KAT6A: variants seen among roughly 807,000 people sequenced by gnomAD.
KAT6A encodes the protein lysine acetyltransferase 6A.
A neutral mutation model predicts 198.4 loss-of-function variants in KAT6A; 9 were observed. That is an observed-to-expected ratio of 0.05 (90% CI 0.03 to 0.08). The LOEUF (loss-of-function observed/expected upper bound fraction) is 0.08. Among genes scored for constraint, KAT6A ranks in the 10% least tolerant of loss-of-function variants. The pLI is 1.00. For synonymous variants in KAT6A, 890 were observed against 883.0 expected (o/e 1.01, Z -0.14); for missense variants, 2,077 against 2,509.9 (o/e 0.83, Z 3.69).
intron 2 of KAT6A, among the ~76,000 whole-genome samples, chr8:42,021,518 A>G (rs966671439): frequency 6.6e-6 from 1 of 152,228 alleles, no homozygotes; most frequent in South Asian, 2.1e-4. Flanking sequence ...ACTGAAGCTC[A>G]TGGAGAATTA....
At chr8:41,983,347 G>A (rs185700192) in intron 3 of KAT6A, among the ~76,000 whole-genome samples, 35 of 152,306 alleles carry the variant, frequency 2.3e-4, no homozygotes, top group African/African-American at 8.2e-4. Context: ...CAAGAGGTGT[G>A]AAAATTTCAC....
intron 1 of KAT6A, chr8:42,049,734 T>C (rs1802504313): frequency 6.6e-6 from 1 of 152,224 alleles, no homozygotes; most frequent in South Asian, 2.1e-4. Flanking sequence ...AGTGAATCTT[T>C]CATCTTTCAA....
intron 8 of KAT6A, among the ~76,000 whole-genome samples, chr8:41,968,712 AAT>A (rs1191814161): frequency 6.6e-6 from 1 of 152,204 alleles, no homozygotes; most frequent in Admixed American, 6.5e-5. Context: ...TTTTAAGAAA[AAT>A]AGTTTCTCCA....
In KAT6A at chr8:41,948,602, C is replaced by T. The variant is rs761289716; in HGVS notation, c.1740+620G>A. ...ACATTAGCTCCCAAGACACTGTCTG[C>T]GATACTAACAGAACTCCTCAACAAC... On this transcript the variant is annotated intron_variant, in intron 10 of 16. Coordinates refer to ENST00000265713, the MANE Select transcript of KAT6A (RefSeq NM_006766.5). Among the ~76,000 whole-genome samples, 5 of 152,088 alleles carry T rather than the reference C, an allele frequency of 3.3e-5. 1 individual carries two copies. Among genetic ancestry groups the T allele is most frequent in the Non-Finnish European group, 7.4e-5 (5 of 68,006 alleles).
chr8:41,941,180 C>T lies in KAT6A; in HGVS notation c.2701G>A (p.Glu901Lys). 6.2e-7 allele frequency: 1 copy of T among 1,614,170 alleles called. No homozygotes were observed. Among genetic ancestry groups the T allele is most frequent in the South Asian group, 1.1e-5 (1 of 91,070 alleles). The change falls in exon 15 of 17, where the codon GAA becomes AAA. Residue 901 changes from glutamate (E) to lysine (K), a missense_variant. Glu to Lys is a moderately conservative substitution (Grantham distance 56). Transcript: ENST00000265713. ...TSSAPQEQYG[E>K]CGEKSEATQE... ...GTGGCTTCTGATTTCTCCCCACATTCTCCATATTGTTCCTGAGGAGCTGAA... is the reference window on the plus strand; with the variant it reads ...GTGGCTTCTGATTTCTCCCCACATTTTCCATATTGTTCCTGAGGAGCTGAA...
At chr8:41,959,359 T>C (rs1274884819) in intron 8 of KAT6A, among the ~76,000 whole-genome samples, 1 of 152,038 alleles carries the variant, frequency 6.6e-6, no homozygotes, top group African/African-American at 2.4e-5. Context: ...AAATAACAGA[T>C]GTTGGTGAAG....
At chr8:41,951,480 T>C (rs1288107253) in intron 9 of KAT6A, among the ~76,000 whole-genome samples, 1 of 152,250 alleles carries the variant, frequency 6.6e-6, no homozygotes, top group Non-Finnish European at 1.5e-5. Context: ...GTTATAAAGA[T>C]TATGAATACT....
At chr8:41,943,324 C>T (rs1822233160) in intron 13 of KAT6A, among the ~76,000 whole-genome samples, 1 of 152,216 alleles carries the variant, frequency 6.6e-6, no homozygotes, top group Non-Finnish European at 1.5e-5. Context: ...TTCTTTGTGA[C>T]CTTTTTCTGA....
rs1167805914 is a variant in KAT6A at position 41,930,682 on chromosome 8, ATG to A, written c.*1521_*1522del. The A allele has an allele frequency of 0.017, 1,526 of 91,222 alleles. 36 individuals carry two copies. The highest frequency in any genetic ancestry group is 0.039 in the South Asian group (99 of 2,562). 5.7% of individuals were successfully genotyped at this position (91,222 alleles called of 1,614,324 possible). ...AATGATGGAATATATATATATATAT[ATG>A]TGTGTGTGTGTGTGTGTGTGTGTGT... On this transcript the variant is annotated 3_prime_UTR_variant, in exon 17 of 17. Transcript: ENST00000265713.
intron 8 of KAT6A, among the ~76,000 whole-genome samples, chr8:41,971,104 A>C (rs981188502): frequency 6.6e-6 from 1 of 152,058 alleles, no homozygotes; most frequent in Non-Finnish European, 1.5e-5. Flanking sequence ...GGATAGCATT[A>C]GGAGATATAT....
chr8:42,029,082 C>A (rs576383577), intron 2 of KAT6A, among the ~76,000 whole-genome samples: 8 of 152,044 alleles, frequency 5.3e-5, no homozygotes, highest in Non-Finnish European at 1.0e-4. Context: ...GTATTCTTGG[C>A]CAGTAGTTTC....
intron 2 of KAT6A, among the ~76,000 whole-genome samples, chr8:42,032,765 C>T (rs1010385632): frequency 6.6e-6 from 1 of 151,492 alleles, no homozygotes; most frequent in Non-Finnish European, 1.5e-5. Context: ...AGCCAATACA[C>T]AGTGAGGCTA....
intron 2 of KAT6A, among the ~76,000 whole-genome samples, chr8:42,037,076 C>T (rs866599856): frequency 6.6e-6 from 1 of 152,080 alleles, no homozygotes; most frequent in African/African-American, 2.4e-5. Context: ...CCCAGCTGCA[C>T]ATCAGATAAA....
intron 8 of KAT6A, among the ~76,000 whole-genome samples, chr8:41,968,599 A>G (rs954564082): frequency 1.3e-5 from 2 of 152,196 alleles, no homozygotes; most frequent in Non-Finnish European, 2.9e-5. Flanking sequence ...TAGAAATACC[A>G]TTTGACCCAG....
At chr8:41,948,974 T>TA (rs1414740486) in intron 10 of KAT6A, among the ~76,000 whole-genome samples, 7 of 152,236 alleles carry the variant, frequency 4.6e-5, no homozygotes, top group Non-Finnish European at 1.0e-4. Context: ...TCCTTTTAAA[T>TA]AAGTGATAGA....
At chr8:41,970,016 C>T (rs1823703315) in intron 8 of KAT6A, among the ~76,000 whole-genome samples, 1 of 152,174 alleles carries the variant, frequency 6.6e-6, no homozygotes, top group African/African-American at 2.4e-5. Flanking sequence ...CAAGGTAGCC[C>T]AGCCCGTCAG....
chr8:41,997,127 G>C (rs1222948206), intron 2 of KAT6A, among the ~76,000 whole-genome samples: 3 of 152,202 alleles, frequency 2.0e-5, no homozygotes, highest in African/African-American at 7.2e-5. Context: ...ACGACAGTGT[G>C]AATGTACTTA....
At chr8:42,039,760 G>T (rs1827552942) in intron 2 of KAT6A, among the ~76,000 whole-genome samples, 2 of 151,676 alleles carry the variant, frequency 1.3e-5, no homozygotes, top group African/African-American at 2.4e-5. Flanking sequence ...TTGAGACGGA[G>T]TCTCACTCTG....
At chr8:41,997,417 G>T (rs1825272507) in intron 2 of KAT6A, among the ~76,000 whole-genome samples, 1 of 151,472 alleles carries the variant, frequency 6.6e-6, no homozygotes. Flanking sequence ...CATCAAAAAT[G>T]GAAAAAAAAG....
Sources: allele counts gnomAD v4.1 joint callset (sites outside exome capture counted in the v4.1 genomes callset), GRCh38; gene constraint gnomAD v4.1.1; transcripts MANE v1.5; gene names NCBI Gene and HGNC (gene_info 2026-07-23, HGNC 2026-07-21).